RIMS2: variants seen among roughly 807,000 people sequenced by gnomAD.
The protein encoded by RIMS2 is regulating synaptic membrane exocytosis protein 2.
RIMS2 carries 59 observed loss-of-function variants against 174.4 expected under a neutral mutation model. That is an observed-to-expected ratio of 0.34 (90% CI 0.27 to 0.42). The LOEUF is 0.42. Among genes scored for constraint, RIMS2 ranks in the 10% least tolerant of loss-of-function variants. RIMS2 has a pLI of 1.00. For synonymous variants in RIMS2, 606 were observed against 572.5 expected, an observed-to-expected ratio of 1.06 and a Z score of -0.84; for missense variants, 1,620 against 1,666.3, an observed-to-expected ratio of 0.97 and a Z score of 0.48.
chr8:104,244,321 T>C (rs1241135081), intron 19 of RIMS2, among the ~76,000 whole-genome samples: 1 of 152,228 alleles, frequency 6.6e-6, no homozygotes, highest in Non-Finnish European at 1.5e-5. Flanking sequence ...TTCTGAAAGT[T>C]ACCAATAGAT....
chr8:104,241,447 C>G (rs527874494), intron 19 of RIMS2, among the ~76,000 whole-genome samples: 1 of 152,278 alleles, frequency 6.6e-6, no homozygotes, highest in South Asian at 2.1e-4. Context: ...TGCTGGTTCT[C>G]ATAACCCTAT....
chr8:104,068,606 T>C, intron 19 of RIMS2: 1 of 1,506,928 alleles, frequency 6.6e-7, no homozygotes, highest in Non-Finnish European at 9.0e-7. Flanking sequence ...AAGATTACCA[T>C]TCGAAGGCAA....
At chr8:103,718,506 C>A (rs1272393266) in intron 2 of RIMS2, among the ~76,000 whole-genome samples, 1 of 152,064 alleles carries the variant, frequency 6.6e-6, no homozygotes, top group Non-Finnish European at 1.5e-5. Flanking sequence ...CCTCAGAGAT[C>A]CTGGATTTGG....
chr8:103,653,551 T>A (rs925599965), intron 1 of RIMS2, among the ~76,000 whole-genome samples: 2 of 152,126 alleles, frequency 1.3e-5, no homozygotes, highest in African/African-American at 4.8e-5. Context: ...GTTGTAGGAA[T>A]GGACAAGTTG....
chr8:103,719,207 C>T (rs1016440949), intron 2 of RIMS2, among the ~76,000 whole-genome samples: 4 of 152,164 alleles, frequency 2.6e-5, no homozygotes, highest in Non-Finnish European at 5.9e-5. Context: ...GCCAAGAGCA[C>T]TGGAGTCATT....
chr8:104,206,033 G>C (rs2099078517), intron 19 of RIMS2, among the ~76,000 whole-genome samples: 2 of 152,172 alleles, frequency 1.3e-5, no homozygotes, highest in Admixed American at 1.3e-4. Context: ...TGGGATTACA[G>C]ATGTGAAGCA....
chr8:103,965,993 C>A (rs764178394), intron 15 of RIMS2, among the ~76,000 whole-genome samples: 1 of 151,998 alleles, frequency 6.6e-6, no homozygotes, highest in Non-Finnish European at 1.5e-5. Flanking sequence ...CAAGATTAAT[C>A]CCACTTATTG....
chr8:104,245,768 A>G (rs1320121354), intron 20 of RIMS2, among the ~76,000 whole-genome samples: 1 of 152,194 alleles, frequency 6.6e-6, no homozygotes, highest in Admixed American at 6.5e-5. Context: ...TAGATAACCT[A>G]TGTGTGGCCA....
At chr8:103,906,130 T>G (rs2154525906) in intron 4 of RIMS2, among the ~76,000 whole-genome samples, 1 of 152,322 alleles carries the variant, frequency 6.6e-6, no homozygotes, top group East Asian at 1.9e-4. Context: ...TTTTTAGGAC[T>G]ATTTTCTATA....
intron 19 of RIMS2, among the ~76,000 whole-genome samples, chr8:104,062,361 A>G (rs2097015966): frequency 6.6e-6 from 1 of 152,144 alleles, no homozygotes; most frequent in Non-Finnish European, 1.5e-5. Context: ...CCGAGATTGC[A>G]CCACTTCACT....
At chr8:103,718,516 G>C (rs2097402163) in intron 2 of RIMS2, among the ~76,000 whole-genome samples, 1 of 152,152 alleles carries the variant, frequency 6.6e-6, no homozygotes. Context: ...CCTGGATTTG[G>C]AATTAGATTT....
chr8:104,223,943 C>G lies in RIMS2; in HGVS notation c.3335-20973C>G. On this transcript the variant is annotated intron_variant, in intron 19 of 23. Transcript: ENST00000504942. Reference sequence around the variant, plus strand: ...TGCCGGGGGCGACAGCCCTAGAGCACGTCAGCTGAGCAGAGAAGTTGTTTC... The same window carrying G: ...TGCCGGGGGCGACAGCCCTAGAGCAGGTCAGCTGAGCAGAGAAGTTGTTTC... 3 of 641,968 alleles carry G rather than the reference C, an allele frequency of 4.7e-6. No individual in the cohort carries two copies. The Admixed American group carries it at 9.9e-5, about 21-fold the overall frequency. 39.8% of individuals were successfully genotyped at this position (641,968 alleles called of 1,614,324 possible).
At chr8:104,048,434 T>TA (rs1018013320) in intron 19 of RIMS2, among the ~76,000 whole-genome samples, 13 of 152,196 alleles carry the variant, frequency 8.5e-5, no homozygotes, top group Non-Finnish European at 1.3e-4. Flanking sequence ...GAAAAAATTA[T>TA]AAAAAAACCA....
intron 1 of RIMS2, among the ~76,000 whole-genome samples, chr8:103,565,585 G>A (rs1028001375): frequency 1.2e-4 from 19 of 152,076 alleles, no homozygotes; most frequent in African/African-American, 3.9e-4. Flanking sequence ...GCATTACACC[G>A]CACTTGGCCT....
At chr8:103,898,003 G>A (rs2099299588) in intron 4 of RIMS2, among the ~76,000 whole-genome samples, 1 of 151,562 alleles carries the variant, frequency 6.6e-6, no homozygotes, top group Non-Finnish European at 1.5e-5. Context: ...CCAAAGAGAT[G>A]ACCTACCACG....
intron 1 of RIMS2, among the ~76,000 whole-genome samples, chr8:103,645,223 C>T (rs2096303178): frequency 6.6e-6 from 1 of 151,978 alleles, no homozygotes; most frequent in African/African-American, 2.4e-5. Context: ...TTAAAATAAT[C>T]TTTTAAATAT....
chr8:103,678,305 C>T (rs1463742941), intron 1 of RIMS2, among the ~76,000 whole-genome samples: 2 of 152,038 alleles, frequency 1.3e-5, no homozygotes, highest in Non-Finnish European at 2.9e-5. Context: ...GACTATGAGC[C>T]ATGTATTATG....
chr8:104,061,415 G>T (rs137888169), intron 19 of RIMS2, among the ~76,000 whole-genome samples: 4 of 151,860 alleles, frequency 2.6e-5, no homozygotes, highest in African/African-American at 9.7e-5. Flanking sequence ...AAAGCAAGTC[G>T]TGTATCTTGT....
intron 1 of RIMS2, among the ~76,000 whole-genome samples, chr8:103,604,095 A>G (rs1416409878): frequency 6.7e-6 from 1 of 148,802 alleles, no homozygotes; most frequent in Admixed American, 6.6e-5. Context: ...CTGAATGGTA[A>G]TGCCTAGGTT....
Sources: gnomAD v4.1 joint callset for allele counts (sites outside exome capture counted in the v4.1 genomes callset) on GRCh38, gnomAD v4.1.1 for gene constraint, MANE v1.5 for transcripts, NCBI Gene and HGNC (gene_info 2026-07-23, HGNC 2026-07-21) for gene names.